Variants in CCDC9 observed in about 807,000 individuals in gnomAD.
The protein encoded by CCDC9 is coiled-coil domain-containing protein 9.
In CCDC9, 52 loss-of-function variants were observed where a neutral mutation model predicts 65.6. That is an observed-to-expected ratio of 0.79 (90% CI 0.63 to 1.00). The LOEUF (loss-of-function observed/expected upper bound fraction) is 1.00, where lower values mean the gene tolerates loss of function less well. Among genes scored for constraint, CCDC9 ranks in the 50% least tolerant of loss-of-function variants. CCDC9 has a pLI of 0.00. For synonymous variants in CCDC9, 332 were observed against 280.3 expected (o/e 1.18, Z -1.84); for missense variants, 834 against 757.2 (o/e 1.10, Z -1.19).
downstream of CCDC9, chr19:47,275,259 C>T (rs1443526186): frequency 1.9e-6 from 3 of 1,540,176 alleles, no homozygotes; most frequent in Admixed American, 4.0e-5. Flanking sequence ...GCTGAGCCGC[C>T]GCCGCCGCTA....
At chr19:47,259,930 G>A (rs1023738015) in intron 3 of CCDC9, among the ~76,000 whole-genome samples, 6 of 152,228 alleles carry the variant, frequency 3.9e-5, no homozygotes, top group African/African-American at 1.2e-4. Flanking sequence ...GAGGTGAGGG[G>A]TTGGAGGGTC....
At chr19:47,274,842 G>A (rs1176667332), downstream of CCDC9, 42 of 920,932 alleles carry the variant, frequency 4.6e-5, no homozygotes, top group African/African-American at 9.4e-5. Context: ...AGAGCGGGGC[G>A]GTCTGCGGGG....
At position 47,271,722 on chromosome 19, in the gene CCDC9, TGTGTGTGTGTGCGCGCGCGCGCGC is replaced by T. The variant is rs749042697; in HGVS notation, c.*46_*69del. On this transcript the variant is annotated 3_prime_UTR_variant, in exon 12 of 12. Transcript: ENST00000221922. ...GTGTGTGTGTGTGTGTGTGTGTGTG[TGTGTGTGTGTGCGCGCGCGCGCGC>T]GCGCGCGCGCGCGCTAGAGGGGTGT... The T allele has an allele frequency of 3.1e-4, 413 of 1,344,854 alleles. No individual in the cohort carries two copies. Among genetic ancestry groups the T allele is most frequent in the African/African-American group, 6.6e-4 (31 of 46,738 alleles). The allele number at this position is 1,344,854 out of a possible 1,614,324, so 83.3% of individuals were successfully genotyped here. A position where few individuals can be genotyped will look rare whatever the true frequency, so the allele number is the denominator to read the frequency against.
At chr19:47,270,126 G>A (rs551799373) in intron 8 of CCDC9, among the ~76,000 whole-genome samples, 9 of 151,980 alleles carry the variant, frequency 5.9e-5, no homozygotes, top group South Asian at 4.2e-4. Flanking sequence ...GTGCCACCAC[G>A]CCCAGCTAAT....
chr19:47,262,021 CA>C (rs140043359), intron 5 of CCDC9, among the ~76,000 whole-genome samples: 64,023 of 143,570 alleles, frequency 0.45, 14,226 homozygotes, highest in East Asian at 0.68. Flanking sequence ...AACTCCGTCT[CA>C]AAAAAAAAAA....
chr19:47,272,235 G>A, downstream of CCDC9: 1 of 992,474 alleles, frequency 1.0e-6, no homozygotes, highest in Non-Finnish European at 1.3e-6. Context: ...CAGAGGGCTT[G>A]GGGGGAGTGG....
intron 7 of CCDC9, among the ~76,000 whole-genome samples, chr19:47,266,002 T>C (rs971874662): frequency 8.1e-5 from 9 of 111,146 alleles, no homozygotes; most frequent in Admixed American, 2.0e-4. Context: ...TTTTTTTTTT[T>C]TTTTTTTTTT....
intron 8 of CCDC9, 78 bp from the exon 9 acceptor site, chr19:47,270,329 C>T: frequency 7.1e-7 from 1 of 1,417,034 alleles, no homozygotes; most frequent in Non-Finnish European, 9.9e-7. Context: ...GATTCCTGAC[C>T]CTGACCTCTC....
At chr19:47,275,151 G>C (rs770319502), downstream of CCDC9, 11 of 1,484,346 alleles carry the variant, frequency 7.4e-6, no homozygotes, top group South Asian at 1.4e-4. Flanking sequence ...TCCGTGTGCT[G>C]CCCGCCCGGG....
In CCDC9 at chr19:47,271,560, C is replaced by G; in HGVS notation, c.1478C>G (p.Pro493Arg). ...ACGCCTTCCAGCCCTTTCTCACCAC[C>G]CAGCGGCCACCAGCCTGTGTCCGAT... ...PGTPSSPFSP[P>R]SGHQPVSDWG... Residue 493 changes from proline (P) to arginine (R), a missense_variant, in exon 12 of 12, where the codon CCC becomes CGC. Physicochemically the swap from Pro to Arg is moderately radical, Grantham distance 103. Coordinates refer to ENST00000221922, the MANE Select transcript of CCDC9 (RefSeq NM_015603.3). 1 of 1,613,244 alleles carries G rather than the reference C, an allele frequency of 6.2e-7. No homozygotes were observed. The highest frequency in any genetic ancestry group is 8.5e-7 in the Non-Finnish European group (1 of 1,179,962).
At chr19:47,273,462 C>A, downstream of CCDC9, 3 of 1,112,672 alleles carry the variant, frequency 2.7e-6, no homozygotes, top group South Asian at 1.4e-4. Context: ...GCTCGCTGAC[C>A]GCGCCCGCCG....
At chr19:47,274,626 G>T (rs938272712), downstream of CCDC9, 3 of 212,588 alleles carry the variant, frequency 1.4e-5, no homozygotes, top group Non-Finnish European at 2.5e-5. Context: ...TCTGGGAAGA[G>T]AACCGTGTTG....
intron 8 of CCDC9, among the ~76,000 whole-genome samples, chr19:47,267,004 GC>G (rs1568639591): frequency 6.6e-6 from 1 of 151,640 alleles, no homozygotes; most frequent in African/African-American, 2.4e-5. Flanking sequence ...TCGCTCTGTC[GC>G]CCAGGCTGGA....
chr19:47,268,197 C>G (rs1005473015), intron 8 of CCDC9, among the ~76,000 whole-genome samples: 4 of 152,106 alleles, frequency 2.6e-5, no homozygotes, highest in Admixed American at 2.0e-4. Context: ...TTGACTTTGT[C>G]CCCCGATTCA....
At chr19:47,269,856 G>GC (rs567080876) in intron 8 of CCDC9, among the ~76,000 whole-genome samples, 233 of 152,274 alleles carry the variant, frequency 1.5e-3, no homozygotes, top group African/African-American at 5.2e-3. Context: ...ATGTACTTGG[G>GC]CAAGGGTCTG....
At chr19:47,267,105 C>T (rs543755667) in intron 8 of CCDC9, among the ~76,000 whole-genome samples, 1 of 151,654 alleles carries the variant, frequency 6.6e-6, no homozygotes, top group Non-Finnish European at 1.5e-5. Context: ...GCTGGGACTA[C>T]AGGCGTCCGC....
At chr19:47,265,183 T>C (rs1011316086) in intron 7 of CCDC9, among the ~76,000 whole-genome samples, 1 of 151,868 alleles carries the variant, frequency 6.6e-6, no homozygotes, top group African/African-American at 2.4e-5. Context: ...GCCTCCCGAG[T>C]AGCTGGGATT....
chr19:47,264,687 G>T lies in CCDC9; in HGVS notation c.546+1G>T. ...CGCCGAGTATGAGCGCAACCAGCGG[G>T]TCAGTGGTGCGGGTGTCCCCGAGGC... is the stretch of plus-strand genomic sequence containing the variant. On this transcript the variant is annotated splice_donor_variant, in intron 6 of 11. Coordinates refer to ENST00000221922, the MANE Select transcript of CCDC9 (RefSeq NM_015603.3). LOFTEE classifies it high-confidence loss of function. The T allele has an allele frequency of 6.2e-7, 1 of 1,604,810 alleles. No individual in the cohort carries two copies. The highest frequency in any genetic ancestry group is 8.5e-7 in the Non-Finnish European group (1 of 1,175,878).
At chr19:47,275,014 C>T (rs1230204905), downstream of CCDC9, 9 of 1,479,920 alleles carry the variant, frequency 6.1e-6, no homozygotes, top group Middle Eastern at 1.8e-4. Context: ...CGCTTGGCTC[C>T]GGTATGCGCC....
Sources: gnomAD v4.1 joint callset for allele counts (sites outside exome capture counted in the v4.1 genomes callset) on GRCh38, gnomAD v4.1.1 for gene constraint, MANE v1.5 for transcripts, NCBI Gene and HGNC (gene_info 2026-07-23, HGNC 2026-07-21) for gene names.